The following NAALADL2 variants were observed in gnomAD, a reference collection of about 807,000 sequenced individuals.
NAALADL2 encodes the protein N-acetylated alpha-linked acidic dipeptidase like 2, also known as inactive N-acetylated-alpha-linked acidic dipeptidase-like protein 2.
Under a neutral mutation model 87.2 loss-of-function variants are expected in NAALADL2, and 76 were observed. The observed-to-expected ratio is 0.87, with a 90% CI of 0.72 to 1.05. NAALADL2 has a LOEUF of 1.05. Among genes scored for constraint, NAALADL2 ranks in the 50% least tolerant of loss-of-function variants. NAALADL2 has a pLI of 0.00. For missense variants in NAALADL2, 1,089 were observed against 945.8 expected (o/e 1.15, Z -1.99); for synonymous variants, 354 against 331.0 (o/e 1.07, Z -0.75).
At chr3:174,875,612 G>A in intron 1 of NAALADL2, among the ~76,000 whole-genome samples, 1 of 151,816 alleles carries the variant, frequency 6.6e-6, no homozygotes. Context: ...TATTCCTGTT[G>A]AAACATATTT....
chr3:174,714,343 C>T (rs1388064784), intron 2 of NAALADL2, among the ~76,000 whole-genome samples: 6 of 152,190 alleles, frequency 3.9e-5, no homozygotes, highest in Admixed American at 2.6e-4. Context: ...TGAAGAAAGT[C>T]GTTGGTAGCT....
rs191533542 is a variant in NAALADL2 at position 175,293,321 on chromosome 3, C to T, written c.940-30854C>T. Among the ~76,000 whole-genome samples, 730 of 152,146 alleles carry T rather than the reference C, an allele frequency of 4.8e-3. 2 individuals are homozygous for T. Among genetic ancestry groups the T allele is most frequent in the Non-Finnish European group, 7.0e-3 (475 of 68,016 alleles). The stretch of plus-strand genomic sequence containing the variant: ...CCACAGCTCTGAGCTTTAGTCACAT[C>T]TTCTGAATGGTGTGTGTAATATATA... On this transcript the variant is annotated intron_variant, in intron 4 of 13. Coordinates refer to ENST00000454872, the MANE Select transcript of NAALADL2 (RefSeq NM_207015.3).
chr3:175,345,885 G>C (rs1440114394), intron 5 of NAALADL2, among the ~76,000 whole-genome samples: 1 of 152,076 alleles, frequency 6.6e-6, no homozygotes, highest in African/African-American at 2.4e-5. Flanking sequence ...CTTTCCTGCA[G>C]GGGCAATAAA....
At chr3:174,500,675 G>A (rs910257868) in intron 1 of NAALADL2, among the ~76,000 whole-genome samples, 3 of 152,030 alleles carry the variant, frequency 2.0e-5, no homozygotes, top group African/African-American at 4.8e-5. Flanking sequence ...ATTTTATCGT[G>A]AATGGATATG....
chr3:174,849,971 T>C (rs1240322552), intron 3 of NAALADL2, among the ~76,000 whole-genome samples: 1 of 152,166 alleles, frequency 6.6e-6, no homozygotes, highest in Non-Finnish European at 1.5e-5. Flanking sequence ...TATATTTCTC[T>C]GTCACTTACC....
chr3:174,868,189 A>G (rs1009177137), intron 1 of NAALADL2, among the ~76,000 whole-genome samples: 3 of 152,046 alleles, frequency 2.0e-5, no homozygotes, highest in African/African-American at 7.2e-5. Flanking sequence ...TAATGCTTTT[A>G]CCTTTGGATA....
chr3:175,605,389 A>C (rs565461055), intron 10 of NAALADL2, among the ~76,000 whole-genome samples: 3 of 151,944 alleles, frequency 2.0e-5, no homozygotes, highest in Admixed American at 6.6e-5. Flanking sequence ...TAAAAAAAAG[A>C]TATTGCAGTG....
chr3:175,367,405 G>T (rs1765774313), intron 5 of NAALADL2, among the ~76,000 whole-genome samples: 1 of 151,734 alleles, frequency 6.6e-6, no homozygotes, highest in Non-Finnish European at 1.5e-5. Flanking sequence ...GAAAGTCATT[G>T]GTAGCTTGAT....
intron 3 of NAALADL2, among the ~76,000 whole-genome samples, chr3:174,824,352 C>T (rs559318650): frequency 4.6e-5 from 7 of 152,172 alleles, no homozygotes; most frequent in Admixed American, 2.6e-4. Flanking sequence ...CAATAGAATG[C>T]GACTGATAAT....
chr3:174,446,471 G>T (rs1292471379), intron 1 of NAALADL2, among the ~76,000 whole-genome samples: 1 of 152,088 alleles, frequency 6.6e-6, no homozygotes. Flanking sequence ...CTTATACTTT[G>T]CATAGTCTGT....
chr3:174,949,326 C>T (rs764405393), intron 1 of NAALADL2, among the ~76,000 whole-genome samples: 14 of 152,114 alleles, frequency 9.2e-5, no homozygotes, highest in East Asian at 3.9e-4. Context: ...TTACCTGTTA[C>T]GACCTAGCCT....
intron 5 of NAALADL2, among the ~76,000 whole-genome samples, chr3:175,415,679 T>C (rs16825672): frequency 0.18 from 27,596 of 151,598 alleles, 3,635 homozygotes; most frequent in African/African-American, 0.37. Context: ...AAAGAGAAAA[T>C]CTCAACACTG....
At chr3:174,508,823 G>C (rs1719393583) in intron 1 of NAALADL2, among the ~76,000 whole-genome samples, 1 of 152,166 alleles carries the variant, frequency 6.6e-6, no homozygotes, top group African/African-American at 2.4e-5. Context: ...CGAGGTGGAC[G>C]GATGTCTTTG....
intron 3 of NAALADL2, among the ~76,000 whole-genome samples, chr3:174,803,388 T>A (rs1719067620): frequency 1.3e-5 from 2 of 152,206 alleles, no homozygotes; most frequent in Admixed American, 1.3e-4. Context: ...CTTTGCCAGA[T>A]GGGTAGATTG....
chr3:174,602,542 TAATATAATTTGAAAATTATATTTCA>T (rs900077739), intron 2 of NAALADL2, among the ~76,000 whole-genome samples: 1 of 151,348 alleles, frequency 6.6e-6, no homozygotes, highest in Non-Finnish European at 1.5e-5. Context: ...AAATATAGGA[TAATATAATTTGAAAATTATATTTCA>T]AATATAATTT....
chr3:174,667,545 G>GTGTTTTTT, intron 2 of NAALADL2, among the ~76,000 whole-genome samples: 1 of 123,770 alleles, frequency 8.1e-6, no homozygotes, highest in Non-Finnish European at 1.6e-5. Flanking sequence ...ATGGGAGAGA[G>GTGTTTTTT]TTTTTTTTTT....
At chr3:174,706,569 T>C (rs1730087624) in intron 2 of NAALADL2, among the ~76,000 whole-genome samples, 1 of 152,224 alleles carries the variant, frequency 6.6e-6, no homozygotes, top group Non-Finnish European at 1.5e-5. Flanking sequence ...GCAAAAATTT[T>C]CTCCTATTCT....
chr3:175,374,325 G>C (rs1766850141), intron 5 of NAALADL2, among the ~76,000 whole-genome samples: 1 of 151,062 alleles, frequency 6.6e-6, no homozygotes, highest in Non-Finnish European at 1.5e-5. Context: ...AGGCCGAGGT[G>C]GGAGGGTCAT....
chr3:175,505,467 G>T (rs1033590575), intron 9 of NAALADL2, among the ~76,000 whole-genome samples: 1 of 152,026 alleles, frequency 6.6e-6, no homozygotes, highest in East Asian at 1.9e-4. Flanking sequence ...AGTATGGTTT[G>T]TTTCATAGCA....
Sources: gnomAD v4.1 joint callset for allele counts (sites outside exome capture counted in the v4.1 genomes callset) on GRCh38, gnomAD v4.1.1 for gene constraint, MANE v1.5 for transcripts, NCBI Gene and HGNC (gene_info 2026-07-23, HGNC 2026-07-21) for gene names.